Variants in STPG2 observed in about 807,000 individuals in gnomAD.
STPG2 encodes sperm tail PG-rich repeat containing 2.
Under a neutral mutation model 54.2 loss-of-function variants are expected in STPG2, and 56 were observed. The observed-to-expected ratio is 1.03, with a 90% CI of 0.83 to 1.29. The LOEUF (loss-of-function observed/expected upper bound fraction) is 1.29. Among genes scored for constraint, STPG2 ranks in the 50% most tolerant of loss-of-function variants. STPG2 has a pLI of 0.00. For missense variants in STPG2, 596 were observed against 544.9 expected (o/e 1.09, Z -0.93); for synonymous variants, 200 against 181.8 (o/e 1.10, Z -0.81).
chr4:98,020,735 G>T (rs1413532293), intron 5 of STPG2, among the ~76,000 whole-genome samples: 1 of 152,092 alleles, frequency 6.6e-6, no homozygotes, highest in Non-Finnish European at 1.5e-5. Context: ...CTTCTTCCTG[G>T]TTTAGTCTTA....
chr4:97,923,031 C>A (rs531326599), intron 8 of STPG2, among the ~76,000 whole-genome samples: 9 of 152,182 alleles, frequency 5.9e-5, no homozygotes, highest in African/African-American at 1.9e-4. Flanking sequence ...GTTAGTTTTC[C>A]ACACTGGTTT....
At chr4:98,101,910 C>G (rs1352919945) in intron 5 of STPG2, among the ~76,000 whole-genome samples, 1 of 138,702 alleles carries the variant, frequency 7.2e-6, no homozygotes, top group Non-Finnish European at 1.5e-5. Flanking sequence ...ATTAACCATA[C>G]TGGCCTTGGA....
At chr4:97,884,999 C>T (rs76269980) in intron 8 of STPG2, among the ~76,000 whole-genome samples, 2,467 of 152,134 alleles carry the variant, frequency 0.016, 70 homozygotes, top group African/African-American at 0.056. Flanking sequence ...CAAAGATAGC[C>T]TTCTAGGAAA....
intron 9 of STPG2, among the ~76,000 whole-genome samples, chr4:97,797,115 C>A (rs1727214396): frequency 2.6e-5 from 4 of 152,212 alleles, no homozygotes. Context: ...TCTACACATA[C>A]AATCACGTCA....
chr4:98,111,288 G>A (rs1227658388), intron 3 of STPG2, among the ~76,000 whole-genome samples: 1 of 152,114 alleles, frequency 6.6e-6, no homozygotes, highest in African/African-American at 2.4e-5. Context: ...TAAACTCTTA[G>A]GTAGCGAGTA....
chr4:97,943,763 A>T (rs1340871512), intron 8 of STPG2, 134 bp downstream of exon 8: 7 of 556,290 alleles, frequency 1.3e-5, no homozygotes, highest in Non-Finnish European at 2.1e-5. Context: ...AAAATATAAA[A>T]GTATCGGTCT....
At chr4:97,931,806 T>C (rs926144150) in intron 8 of STPG2, among the ~76,000 whole-genome samples, 9 of 152,254 alleles carry the variant, frequency 5.9e-5, no homozygotes, top group Non-Finnish European at 1.2e-4. Flanking sequence ...TAATAGTTTC[T>C]GTAGAAACTG....
intron 9 of STPG2, among the ~76,000 whole-genome samples, chr4:97,805,588 G>A (rs1255481205): frequency 3.9e-5 from 6 of 152,160 alleles, no homozygotes; most frequent in Admixed American, 3.3e-4. Flanking sequence ...GTCTGTTCAT[G>A]TCCTTTCCCC....
chr4:97,601,346 T>A (rs1033199757), intron 10 of STPG2, among the ~76,000 whole-genome samples: 1 of 152,046 alleles, frequency 6.6e-6, no homozygotes, highest in Non-Finnish European at 1.5e-5. Context: ...TCTTCTAATA[T>A]GTTAAGCAAA....
chr4:98,136,306 C>T (rs2903153), intron 1 of STPG2, among the ~76,000 whole-genome samples: 100,095 of 151,360 alleles, frequency 0.66, 34,368 homozygotes, highest in African/African-American at 0.87. Context: ...CCCAATAAAA[C>T]CATTGTAATT....
chr4:97,942,249 G>C (rs1733015716), intron 8 of STPG2, among the ~76,000 whole-genome samples: 1 of 151,456 alleles, frequency 6.6e-6, no homozygotes, highest in Non-Finnish European at 1.5e-5. Context: ...GTGATATTAT[G>C]ATAGAAATAA....
intron 4 of STPG2, among the ~76,000 whole-genome samples, chr4:97,514,452 G>T (rs763727337): frequency 6.6e-6 from 1 of 152,020 alleles, no homozygotes; most frequent in Non-Finnish European, 1.5e-5. Flanking sequence ...GATGCCCAAA[G>T]AATGTTTATA....
intron 9 of STPG2, among the ~76,000 whole-genome samples, chr4:97,735,825 G>A (rs1418410753): frequency 6.6e-6 from 1 of 151,798 alleles, no homozygotes; most frequent in African/African-American, 2.4e-5. Context: ...AAATATATAA[G>A]GAACACATAC....
At chr4:97,539,326 C>T (rs924266226) in intron 4 of STPG2, among the ~76,000 whole-genome samples, 5 of 151,248 alleles carry the variant, frequency 3.3e-5, no homozygotes, top group Admixed American at 3.3e-4. Context: ...CAGACAGGCT[C>T]AAAAGAAAGG....
At chr4:98,017,900 C>T (rs959430450) in intron 5 of STPG2, among the ~76,000 whole-genome samples, 1 of 152,100 alleles carries the variant, frequency 6.6e-6, no homozygotes. Context: ...CTCCTGCTAC[C>T]TTGTGAAGAA....
At chr4:97,633,588 C>G (rs955521342) in intron 10 of STPG2, 1 of 152,226 alleles carries the variant, frequency 6.6e-6, no homozygotes, top group Non-Finnish European at 1.5e-5. Context: ...GTACCGGGTT[C>G]ATCTCACTAG....
intron 5 of STPG2, among the ~76,000 whole-genome samples, chr4:98,083,336 T>C (rs1043170352): frequency 6.6e-6 from 1 of 152,242 alleles, no homozygotes; most frequent in African/African-American, 2.4e-5. Flanking sequence ...AATTAATTTT[T>C]TCCAAATAAT....
At chr4:97,877,375 CAT>C (rs1204462688) in intron 8 of STPG2, among the ~76,000 whole-genome samples, 1 of 152,052 alleles carries the variant, frequency 6.6e-6, no homozygotes, top group Non-Finnish European at 1.5e-5. Flanking sequence ...AAAGAAGACA[CAT>C]AAATAATGTA....
chr4:97,566,529 C>T (rs915169451), intron 10 of STPG2, among the ~76,000 whole-genome samples: 4 of 152,200 alleles, frequency 2.6e-5, no homozygotes, highest in Non-Finnish European at 4.4e-5. Context: ...TCTTCTGCGT[C>T]GCTCACGCTG....
Sources: gnomAD v4.1 joint callset for allele counts (sites outside exome capture counted in the v4.1 genomes callset) on GRCh38, gnomAD v4.1.1 for gene constraint, MANE v1.5 for transcripts, NCBI Gene and HGNC (gene_info 2026-07-23, HGNC 2026-07-21) for gene names.